Variants in PRKACB observed in about 807,000 individuals in gnomAD.
The protein encoded by PRKACB is protein kinase cAMP-activated catalytic subunit beta, also known as cAMP-dependent protein kinase catalytic subunit beta.
PRKACB carries 16 observed loss-of-function variants against 51.4 expected under a neutral mutation model. The observed-to-expected ratio is 0.31, with a 90% confidence interval of 0.21 to 0.47. The LOEUF is 0.47. Ranked by LOEUF, PRKACB falls within the 20% of genes least tolerant of loss-of-function variation. PRKACB has a pLI of 1.00. For missense variants in PRKACB, 309 were observed against 464.5 expected, an observed-to-expected ratio of 0.67 and a Z score of 3.08; for synonymous variants, 147 against 154.4, an observed-to-expected ratio of 0.95 and a Z score of 0.35.
At chr1:84,230,870 T>TC (rs1218021458) in intron 9 of PRKACB, among the ~76,000 whole-genome samples, 1 of 130,464 alleles carries the variant, frequency 7.7e-6, no homozygotes, top group African/African-American at 3.3e-5. Context: ...CAATCATGTC[T>TC]GCAAACAGGG....
chr1:84,209,592 T>C (rs78959098), intron 8 of PRKACB, among the ~76,000 whole-genome samples: 2,581 of 152,300 alleles, frequency 0.017, 78 homozygotes, highest in African/African-American at 0.059. Flanking sequence ...TTAAAAATGT[T>C]AAATAATATC....
At chr1:84,195,029 A>G (rs542449259) in intron 5 of PRKACB, among the ~76,000 whole-genome samples, 1 of 152,358 alleles carries the variant, frequency 6.6e-6, no homozygotes, top group Admixed American at 6.5e-5. Context: ...TATTAATGAC[A>G]TTTTACATTT....
At chr1:84,126,901 G>GT (rs1383963768) in intron 1 of PRKACB, among the ~76,000 whole-genome samples, 7 of 152,118 alleles carry the variant, frequency 4.6e-5, no homozygotes, top group Non-Finnish European at 1.0e-4. Context: ...CACAACCTCA[G>GT]TTCAGGTATC....
At chr1:84,204,399 T>A in intron 8 of PRKACB, 1 of 1,046,690 alleles carries the variant, frequency 9.6e-7, no homozygotes, top group Non-Finnish European at 1.5e-6. Flanking sequence ...TTTAAACAAG[T>A]ATCAGTATCA....
intron 1 of PRKACB, among the ~76,000 whole-genome samples, chr1:84,156,185 G>A (rs892498792): frequency 1.3e-5 from 2 of 151,922 alleles, no homozygotes; most frequent in Non-Finnish European, 1.5e-5. Context: ...TTGTAGAGAT[G>A]AGATCTTGCT....
intron 8 of PRKACB, among the ~76,000 whole-genome samples, chr1:84,203,565 T>C (rs1296902194): frequency 6.6e-6 from 1 of 151,998 alleles, no homozygotes; most frequent in Non-Finnish European, 1.5e-5. Context: ...TTTCCTACCA[T>C]GCAGCAATGA....
intron 1 of PRKACB, among the ~76,000 whole-genome samples, chr1:84,146,956 G>A (rs1654179585): frequency 6.6e-6 from 1 of 151,992 alleles, no homozygotes; most frequent in Non-Finnish European, 1.5e-5. Flanking sequence ...TCAAAGAAAA[G>A]CATGGAGGAA....
intron 2 of PRKACB, chr1:84,181,844 T>C (rs1663611484): frequency 1.5e-6 from 1 of 669,680 alleles, no homozygotes; most frequent in Non-Finnish European, 2.2e-6. Flanking sequence ...TCTGGTCAGT[T>C]TGTAATTATT....
At chr1:84,110,239 AAAC>A (rs1650112680) in intron 1 of PRKACB, among the ~76,000 whole-genome samples, 1 of 152,000 alleles carries the variant, frequency 6.6e-6, no homozygotes, top group Non-Finnish European at 1.5e-5. Flanking sequence ...TACAAATAAA[AAAC>A]AATACAGTAT....
intron 5 of PRKACB, among the ~76,000 whole-genome samples, chr1:84,190,960 A>G (rs553145872): frequency 1.1e-4 from 17 of 152,160 alleles, no homozygotes; most frequent in Non-Finnish European, 2.4e-4. Flanking sequence ...GATAGCAGAC[A>G]GTTGGGACTT....
At chr1:84,130,243 C>T (rs545670956) in intron 1 of PRKACB, among the ~76,000 whole-genome samples, 1 of 150,568 alleles carries the variant, frequency 6.6e-6, no homozygotes, top group South Asian at 2.1e-4. Context: ...AATGAGAGAC[C>T]CTGTAAGGAA....
At chr1:84,172,691 A>T (rs973621317) in intron 1 of PRKACB, among the ~76,000 whole-genome samples, 1 of 147,582 alleles carries the variant, frequency 6.8e-6, no homozygotes, top group Admixed American at 6.8e-5. Context: ...TATAGTAAAA[A>T]TTTTTATTTT....
rs190211935 is a variant in PRKACB, at chr1:84,111,781, C to T, written c.46+33410C>T. Among the ~76,000 whole-genome samples, 4 of 151,922 alleles carry T rather than the reference C, an allele frequency of 2.6e-5. No homozygotes were observed. The East Asian group carries it at 7.8e-4, about 29-fold the overall frequency. On this transcript the variant is annotated intron_variant, in intron 1 of 8. Coordinates refer to the PRKACB transcript ENST00000370688. ...GACAAAGAAACACCGTAGAAATTTT[C>T]TAGGTTAAAGGCAGAGTAAAAGACA...
At chr1:84,115,373 T>C (rs192478251) in intron 1 of PRKACB, among the ~76,000 whole-genome samples, 31 of 152,254 alleles carry the variant, frequency 2.0e-4, no homozygotes, top group Middle Eastern at 3.4e-3. Flanking sequence ...TTAATGGGAT[T>C]ATGTTTTTCC....
At chr1:84,108,250 A>G (rs1292860076) in intron 1 of PRKACB, among the ~76,000 whole-genome samples, 1 of 152,142 alleles carries the variant, frequency 6.6e-6, no homozygotes, top group Non-Finnish European at 1.5e-5. Flanking sequence ...ACATGTTCTC[A>G]CTTATAAGTG....
chr1:84,156,355 C>T (rs1282361236), intron 1 of PRKACB, among the ~76,000 whole-genome samples: 2 of 152,088 alleles, frequency 1.3e-5, no homozygotes, highest in African/African-American at 4.8e-5. Context: ...TTAAAAGTGG[C>T]CCCAACAAAT....
At position 84,197,737 on chromosome 1, in the gene PRKACB, C is replaced by T. The variant is rs774526702; in HGVS notation, c.696C>T (p.Asp232=). The T allele has an allele frequency of 6.2e-7, 1 of 1,607,448 alleles. No homozygotes were observed. The highest frequency in any genetic ancestry group is 1.7e-5 in the Admixed American group (1 of 59,810). ...CTTTTTTTCTTTTATAGGTCACAGA[C>T]TTTGGGTTTGCCAAAAGAGTTAAAG... The part of the protein sequence containing the change: ...IDHQGYIQVT[D]FGFAKRVKGR... The change falls in exon 7 of 10, where the codon GAC becomes GAT. Residue 232 remains aspartate (D), a synonymous_variant. Transcript: ENST00000370685.
intron 1 of PRKACB, among the ~76,000 whole-genome samples, chr1:84,110,729 C>T (rs1032302791): frequency 4.6e-5 from 7 of 152,014 alleles, no homozygotes; most frequent in Admixed American, 4.6e-4. Flanking sequence ...CAATTACTTT[C>T]TATCTTTGTG....
intron 1 of PRKACB, among the ~76,000 whole-genome samples, chr1:84,128,007 CTTT>C (rs10537848): frequency 0.012 from 1,228 of 105,398 alleles, 14 homozygotes; most frequent in African/African-American, 0.041. Flanking sequence ...CTTTTTTTTT[CTTT>C]TTTTTTTTTT....
Sources: allele counts gnomAD v4.1 joint callset (sites outside exome capture counted in the v4.1 genomes callset), GRCh38; gene constraint gnomAD v4.1.1; transcripts MANE v1.5; gene names NCBI Gene and HGNC (gene_info 2026-07-23, HGNC 2026-07-21).